CGGBP1: variants seen among roughly 807,000 people sequenced by gnomAD.
The protein encoded by CGGBP1 is CGG triplet repeat binding protein 1.
In CGGBP1, 4 loss-of-function variants were observed where a neutral mutation model predicts 11.4. That is an observed-to-expected ratio of 0.35 (90% confidence interval 0.17 to 0.80). The LOEUF (loss-of-function observed/expected upper bound fraction) is 0.80, where lower values mean the gene tolerates loss of function less well. CGGBP1 is among the 30% of genes least tolerant of loss of function. CGGBP1 has a pLI of 0.52. For synonymous variants in CGGBP1, 76 were observed against 74.1 expected (o/e 1.03, Z -0.13); for missense variants, 135 against 202.1 (o/e 0.67, Z 2.01).
At chr3:88,109,149 G>GTGTGTGTA (rs1704933997) in intron 2 of CGGBP1, among the ~76,000 whole-genome samples, 1 of 147,662 alleles carries the variant, frequency 6.8e-6, no homozygotes, top group Non-Finnish European at 1.5e-5. Flanking sequence ...ACTAGTGTGT[G>GTGTGTGTA]TGTGTGTGTG....
intron 2 of CGGBP1, among the ~76,000 whole-genome samples, chr3:88,104,876 C>T (rs546271519): frequency 4.6e-5 from 7 of 152,308 alleles, no homozygotes; most frequent in South Asian, 2.1e-4. Context: ...CAGTGGCTTA[C>T]GCCTGTAATC....
At chr3:88,059,014 C>T (rs774190488), upstream of CGGBP1, 1 of 417,186 alleles carries the variant, frequency 2.4e-6, no homozygotes. Context: ...ATGGCAGAGC[C>T]CGTAGGCGGT....
chr3:88,147,118 A>G (rs558453776), intron 1 of CGGBP1, among the ~76,000 whole-genome samples: 18 of 152,308 alleles, frequency 1.2e-4, no homozygotes, highest in Middle Eastern at 3.4e-3. Flanking sequence ...GATACCTACC[A>G]TGTGCGGGCC....
intron 2 of CGGBP1, among the ~76,000 whole-genome samples, chr3:88,090,909 C>T (rs4858995): frequency 0.78 from 119,223 of 152,166 alleles, 47,622 homozygotes; most frequent in South Asian, 0.91. Flanking sequence ...AGAAAGTTTA[C>T]GAATTTGTGT....
chr3:88,056,778 A>G (rs1553689489), intron 3 of CGGBP1: 3 of 152,230 alleles, frequency 2.0e-5, no homozygotes, highest in Non-Finnish European at 4.4e-5. Context: ...AGTCTAGTAT[A>G]CAGCAGAACC....
intron 2 of CGGBP1, among the ~76,000 whole-genome samples, chr3:88,116,831 TTTC>T (rs1378587063): frequency 1.5e-4 from 23 of 152,128 alleles, no homozygotes. Flanking sequence ...ACATGTAAAC[TTTC>T]TTCTTCTCTC....
chr3:88,060,087 G>A (rs1447365213), upstream of CGGBP1, among the ~76,000 whole-genome samples: 4 of 152,010 alleles, frequency 2.6e-5, no homozygotes. Context: ...ACTTTTTTCG[G>A]ACAGAGAGTG....
intron 2 of CGGBP1, among the ~76,000 whole-genome samples, chr3:88,076,557 AGTGCATCATCTGTTTTGTTTTGTT>A (rs1707813087): frequency 6.6e-6 from 1 of 151,912 alleles, no homozygotes; most frequent in African/African-American, 2.4e-5. Context: ...GTTAATTGTG[AGTGCATCATCTGTTTTGTTTTGTT>A]TTGTTTTGTT....
intron 2 of CGGBP1, among the ~76,000 whole-genome samples, chr3:88,125,161 G>A (rs1706019576): frequency 6.6e-6 from 1 of 150,970 alleles, no homozygotes; most frequent in Admixed American, 6.6e-5. Flanking sequence ...GTTGCAGTGA[G>A]CCAAGATCGT....
chr3:88,142,419 A>G (rs1707177522), intron 1 of CGGBP1: 1 of 152,364 alleles, frequency 6.6e-6, no homozygotes, highest in Admixed American at 6.6e-5. Flanking sequence ...AAAACCGATC[A>G]GTACTCTGGG....
intron 2 of CGGBP1, among the ~76,000 whole-genome samples, chr3:88,093,181 G>C (rs1703852418): frequency 6.6e-6 from 1 of 152,144 alleles, no homozygotes; most frequent in Admixed American, 6.6e-5. Context: ...AGTTAATTAA[G>C]TTCTTACTGG....
chr3:88,111,438 A>G, intron 2 of CGGBP1, among the ~76,000 whole-genome samples: 1 of 151,796 alleles, frequency 6.6e-6, no homozygotes, highest in East Asian at 1.9e-4. Flanking sequence ...CCATTTACAC[A>G]AAGATAATGT....
chr3:88,104,608 C>T (rs1242264033), intron 2 of CGGBP1, among the ~76,000 whole-genome samples: 2 of 152,052 alleles, frequency 1.3e-5, no homozygotes, highest in Non-Finnish European at 2.9e-5. Flanking sequence ...GTTATTATAC[C>T]TAAAGCACCA....
chr3:88,101,115 G>A (rs1576278963), intron 2 of CGGBP1, among the ~76,000 whole-genome samples: 1 of 152,090 alleles, frequency 6.6e-6, no homozygotes, highest in East Asian at 1.9e-4. Flanking sequence ...CTTTTTTTAT[G>A]TAAAGCTTTA....
intron 2 of CGGBP1, among the ~76,000 whole-genome samples, chr3:88,107,126 T>A: frequency 6.6e-6 from 1 of 152,218 alleles, no homozygotes; most frequent in East Asian, 1.9e-4. Context: ...TTTTACTGTA[T>A]GTAAATGTGT....
chr3:88,106,003 C>G (rs890349215), intron 2 of CGGBP1, among the ~76,000 whole-genome samples: 18 of 152,138 alleles, frequency 1.2e-4, no homozygotes, highest in Admixed American at 4.6e-4. Flanking sequence ...TAGCCTTCTT[C>G]CTCTCCAGAG....
intron 2 of CGGBP1, among the ~76,000 whole-genome samples, chr3:88,066,265 C>T (rs13060730): frequency 0.78 from 119,202 of 152,166 alleles, 47,611 homozygotes; most frequent in South Asian, 0.91. Context: ...TAACCACTCA[C>T]TACATTGCTT....
rs113904298 is a variant in CGGBP1, at chr3:88,071,983, C to G, written c.-228-13760G>C. Among the ~76,000 whole-genome samples the G allele has an allele frequency of 8.8e-3, 1,339 of 152,232 alleles. 26 individuals carry two copies. Among genetic ancestry groups the G allele is most frequent in the African/African-American group, 0.031 (1,295 of 41,532 alleles). ...TATTTTTCTTGTCAAACAGTACATA[C>G]TTTTTCTTACTATCAATCAGTTGAA... On this transcript the variant is annotated intron_variant, in intron 2 of 3. Coordinates refer to the CGGBP1 transcript ENST00000462901.
At chr3:88,125,546 A>G (rs1418576998) in intron 2 of CGGBP1, among the ~76,000 whole-genome samples, 1 of 152,120 alleles carries the variant, frequency 6.6e-6, no homozygotes, top group African/African-American at 2.4e-5. Context: ...TTATTTATAG[A>G]TTTATTTCTT....
Sources: allele counts gnomAD v4.1 joint callset (sites outside exome capture counted in the v4.1 genomes callset), GRCh38; gene constraint gnomAD v4.1.1; transcripts MANE v1.5; gene names NCBI Gene and HGNC (gene_info 2026-07-23, HGNC 2026-07-21).